GRM7: variants seen among roughly 807,000 people sequenced by gnomAD.
GRM7 encodes the protein metabotropic glutamate receptor 7.
Under a neutral mutation model 84.5 loss-of-function variants are expected in GRM7, and 35 were observed. The ratio of observed to expected loss-of-function variants is 0.41; its 90% CI spans 0.32 to 0.55. GRM7 has a LOEUF of 0.55. Ranked by LOEUF, GRM7 falls within the 20% of genes least tolerant of loss-of-function variation. The pLI, the probability that GRM7 is intolerant of heterozygous loss-of-function variation, is 0.19. For synonymous variants in GRM7, 487 were observed against 455.1 expected (o/e 1.07, Z -0.89); for missense variants, 1,003 against 1,194.6 (o/e 0.84, Z 2.36).
At chr3:7,665,092 T>C (rs1280153233) in intron 8 of GRM7, among the ~76,000 whole-genome samples, 1 of 152,132 alleles carries the variant, frequency 6.6e-6, no homozygotes, top group Non-Finnish European at 1.5e-5. Flanking sequence ...TGACACATTC[T>C]CTTGACAAAA....
chr3:7,685,075 A>AG (rs1700523738), intron 9 of GRM7, among the ~76,000 whole-genome samples: 1 of 152,138 alleles, frequency 6.6e-6, no homozygotes. Flanking sequence ...TTCATGGCAA[A>AG]CTTGTAGATG....
At chr3:7,467,228 C>T (rs1698497236) in intron 7 of GRM7, among the ~76,000 whole-genome samples, 1 of 152,136 alleles carries the variant, frequency 6.6e-6, no homozygotes, top group African/African-American at 2.4e-5. Context: ...TCTGGGACTA[C>T]AGGCACGTGC....
chr3:7,130,160 A>T (rs113265365), intron 1 of GRM7, among the ~76,000 whole-genome samples: 1 of 152,190 alleles, frequency 6.6e-6, no homozygotes, highest in Admixed American at 6.5e-5. Context: ...GTCCTGACTA[A>T]AACGTCCCTT....
chr3:7,152,813 G>T (rs2125071370), intron 2 of GRM7, among the ~76,000 whole-genome samples: 1 of 152,230 alleles, frequency 6.6e-6, no homozygotes, highest in African/African-American at 2.4e-5. Flanking sequence ...AAGTTCTGAT[G>T]AAAGAAAAAG....
chr3:7,540,316 G>C, intron 7 of GRM7, among the ~76,000 whole-genome samples: 1 of 152,138 alleles, frequency 6.6e-6, no homozygotes, highest in East Asian at 1.9e-4. Context: ...TAGCCAAAGA[G>C]TGGAAATTAC....
Position 7,711,184 on chromosome 3 carries a change from A to C in GRM7, c.2699-29173A>C, listed in dbSNP as rs73123741. On this transcript the variant is annotated intron_variant, in intron 9 of 9. Transcript: ENST00000357716. ...AAGAATATGTATGCAGAAAATCATA[A>C]GGGCAGTATATCAAGATAGAGTGTG... 5.1e-3 allele frequency among the ~76,000 whole-genome samples: 771 copies of C among 152,340 alleles called. 6 individuals carry two copies. Among genetic ancestry groups the C allele is most frequent in the African/African-American group, 0.016 (682 of 41,592 alleles).
At chr3:6,939,162 G>T (rs1205030019) in intron 1 of GRM7, among the ~76,000 whole-genome samples, 1 of 152,066 alleles carries the variant, frequency 6.6e-6, no homozygotes, top group East Asian at 1.9e-4. Flanking sequence ...GAAAACTCCA[G>T]CTCAGTTAAG....
intron 1 of GRM7, among the ~76,000 whole-genome samples, chr3:7,146,071 ATACACT>A (rs1574959283): frequency 1.3e-5 from 2 of 152,282 alleles, no homozygotes; most frequent in East Asian, 3.9e-4. Flanking sequence ...CAATCTTTAT[ATACACT>A]CCAGCCAGGT....
intron 8 of GRM7, among the ~76,000 whole-genome samples, chr3:7,598,434 T>C (rs1373598828): frequency 2.0e-5 from 3 of 152,132 alleles, no homozygotes; most frequent in African/African-American, 7.2e-5. Context: ...AGACTCAGCT[T>C]TCATATCTAA....
intron 4 of GRM7, among the ~76,000 whole-genome samples, chr3:7,318,514 G>A (rs1700661097): frequency 6.6e-6 from 1 of 152,090 alleles, no homozygotes; most frequent in Non-Finnish European, 1.5e-5. Context: ...CATTAAGTTA[G>A]CCAAATGGAT....
intron 1 of GRM7, among the ~76,000 whole-genome samples, chr3:6,867,035 T>G (rs374183354): frequency 6.6e-6 from 1 of 152,094 alleles, no homozygotes; most frequent in African/African-American, 2.4e-5. Flanking sequence ...TAGGGCTGAG[T>G]GGTGGGAGAG....
intron 4 of GRM7, among the ~76,000 whole-genome samples, chr3:7,376,709 A>G (rs1050537975): frequency 7.9e-5 from 12 of 152,206 alleles, no homozygotes; most frequent in African/African-American, 2.9e-4. Context: ...ACAATATTGT[A>G]CAAGAGACCG....
chr3:7,190,845 A>G (rs937132125), intron 2 of GRM7, among the ~76,000 whole-genome samples: 3 of 152,116 alleles, frequency 2.0e-5, no homozygotes, highest in Non-Finnish European at 4.4e-5. Flanking sequence ...CTAGCCAGAG[A>G]CAAGGCAGGC....
intron 8 of GRM7, among the ~76,000 whole-genome samples, chr3:7,641,183 C>T (rs1034051314): frequency 6.6e-6 from 1 of 151,968 alleles, no homozygotes; most frequent in African/African-American, 2.4e-5. Flanking sequence ...ACTCTGACTC[C>T]AGAAACCTCT....
At chr3:7,691,829 T>G (rs533492873) in intron 9 of GRM7, among the ~76,000 whole-genome samples, 86 of 152,104 alleles carry the variant, frequency 5.7e-4, no homozygotes, top group African/African-American at 2.1e-3. Flanking sequence ...CCTGGCTAAT[T>G]TTTGTATTTT....
intron 1 of GRM7, among the ~76,000 whole-genome samples, chr3:6,993,012 G>A (rs530449293): frequency 5.3e-4 from 81 of 152,330 alleles, no homozygotes; most frequent in Middle Eastern, 3.4e-3. Flanking sequence ...AATTTATAAA[G>A]GAAAGAGGTT....
At chr3:7,584,077 C>G (rs1453693464) in intron 8 of GRM7, among the ~76,000 whole-genome samples, 1 of 152,050 alleles carries the variant, frequency 6.6e-6, no homozygotes, top group African/African-American at 2.4e-5. Flanking sequence ...AATTTAGAGG[C>G]AGAAAAAGTG....
chr3:7,347,252 T>A (rs1388668050), intron 4 of GRM7, among the ~76,000 whole-genome samples: 10 of 152,096 alleles, frequency 6.6e-5, no homozygotes, highest in Admixed American at 5.9e-4. Flanking sequence ...TTAAAACTAT[T>A]TCAAGGCTGC....
intron 1 of GRM7, among the ~76,000 whole-genome samples, chr3:6,991,305 G>A (rs1445194832): frequency 6.6e-6 from 1 of 152,148 alleles, no homozygotes; most frequent in Non-Finnish European, 1.5e-5. Context: ...CAGATGAGTT[G>A]GGGGAACTTC....
Sources: allele counts gnomAD v4.1 joint callset (sites outside exome capture counted in the v4.1 genomes callset), GRCh38; gene constraint gnomAD v4.1.1; transcripts MANE v1.5; gene names NCBI Gene and HGNC (gene_info 2026-07-23, HGNC 2026-07-21).